Variants in BTAF1 observed in about 807,000 individuals in gnomAD.
BTAF1 encodes the protein TATA-binding protein-associated factor 172.
In BTAF1, 38 loss-of-function variants were observed where a neutral mutation model predicts 227.1. The ratio of observed to expected loss-of-function variants is 0.17; its 90% CI spans 0.13 to 0.22. The LOEUF (loss-of-function observed/expected upper bound fraction) is 0.22, where lower values mean the gene tolerates loss of function less well. Ranked by LOEUF, BTAF1 falls within the 10% of genes least tolerant of loss-of-function variation. The pLI is 1.00. For missense variants in BTAF1, 1,598 were observed against 2,204.0 expected, an observed-to-expected ratio of 0.73 and a Z score of 5.51; for synonymous variants, 742 against 751.9, an observed-to-expected ratio of 0.99 and a Z score of 0.21.
rs1260392297 is a variant in BTAF1 at position 91,991,257 on chromosome 10, T to C, written c.2855-862T>C. Among the ~76,000 whole-genome samples the C allele has an allele frequency of 9.3e-5, 8 of 85,666 alleles. No homozygotes were observed. The Admixed American group carries it at 1.0e-3, about 11-fold the overall frequency. The allele number at this position is 85,666 out of a possible 152,430, so 56.2% of individuals were successfully genotyped here. A position where few individuals can be genotyped will look rare whatever the true frequency, so the allele number is the denominator to read the frequency against. On this transcript the variant is annotated intron_variant, in intron 20 of 37. Transcript: ENST00000265990. ...CGAGACTCCGTCTCAAAAAAATATA[T>C]AAATATAAATATAAATATATATATA...
chr10:91,960,229 A>G, intron 11 of BTAF1, 75 bp downstream of exon 11: 1 of 1,443,540 alleles, frequency 6.9e-7, no homozygotes, highest in Non-Finnish European at 9.4e-7. Flanking sequence ...TAATTAGACG[A>G]AATGGCCGTA....
rs1024287493 is a variant in BTAF1, at chr10:92,029,430, T to C, written c.*497T>C. The C allele has an allele frequency of 2.0e-5, 3 of 152,294 alleles. No individual in the cohort carries two copies. Among genetic ancestry groups the C allele is most frequent in the African/African-American group, 7.2e-5 (3 of 41,384 alleles). 9.4% of individuals were successfully genotyped at this position (152,294 alleles called of 1,614,324 possible). A position where few individuals can be genotyped will look rare whatever the true frequency, so the allele number is the denominator to read the frequency against. ...ATTGGTCAGTCTTAGAACATGAAAATGTCAGACAATGAATTTAATCGGGCC... is the reference window on the plus strand; with the variant it reads ...ATTGGTCAGTCTTAGAACATGAAAACGTCAGACAATGAATTTAATCGGGCC... On this transcript the variant is annotated 3_prime_UTR_variant, in exon 38 of 38. Transcript: ENST00000265990.
In BTAF1 at chr10:91,984,361, G is replaced by T; in HGVS notation, c.2384G>T (p.Arg795Leu). 6.2e-7 allele frequency: 1 copy of T among 1,612,714 alleles called. No homozygotes were observed. The highest frequency in any genetic ancestry group is 8.5e-7 in the Non-Finnish European group (1 of 1,179,538). The change falls in exon 19 of 38, where the codon CGA becomes CTA. Residue 795 changes from arginine to leucine, a missense_variant. Arg to Leu is a moderately radical substitution (Grantham distance 102). Around this residue, in one of 10 missense-constraint regions of BTAF1, gnomAD observed 318 missense variants for 435.0 expected, o/e 0.73. Transcript: ENST00000265990. ...GATGTACATATTGAAGTTGGTAATC[G>T]AGTAAACAACAATGTTTTAACAATA... ...LADVHIEVGNRVNNNVLTIDQ... is the reference protein window; with the variant it reads ...LADVHIEVGNLVNNNVLTIDQ...
chr10:91,999,002 G>A (rs1849321129), intron 25 of BTAF1, among the ~76,000 whole-genome samples: 1 of 150,694 alleles, frequency 6.6e-6, no homozygotes, highest in African/African-American at 2.4e-5. Context: ...GACAGAGGTT[G>A]CAGTGAACCA....
At chr10:91,993,940 C>T in intron 22 of BTAF1, 93 bp downstream of exon 22, 1 of 976,446 alleles carries the variant, frequency 1.0e-6, no homozygotes, top group Non-Finnish European at 1.4e-6. Flanking sequence ...CTCTATGCCT[C>T]TACCTGTTTA....
intron 14 of BTAF1, among the ~76,000 whole-genome samples, chr10:91,977,026 A>G (rs1192546694): frequency 6.6e-6 from 1 of 152,214 alleles, no homozygotes; most frequent in Non-Finnish European, 1.5e-5. Context: ...CTGAAGGGTA[A>G]GTGGAATTTA....
At chr10:92,008,997 A>G (rs570498732) in intron 27 of BTAF1, 44 bp from the exon 28 acceptor site, 3 of 1,612,250 alleles carry the variant, frequency 1.9e-6, no homozygotes, top group South Asian at 2.2e-5. Flanking sequence ...ATTTGGAGAA[A>G]TGTAAACAAG....
chr10:91,985,931 T>C (rs1377689770), intron 19 of BTAF1, among the ~76,000 whole-genome samples: 1 of 152,196 alleles, frequency 6.6e-6, no homozygotes, highest in Non-Finnish European at 1.5e-5. Flanking sequence ...CTCTTAATGC[T>C]GTCTTTGGAT....
intron 1 of BTAF1, 77 bp downstream of exon 1, chr10:91,924,167 A>G: frequency 9.0e-6 from 14 of 1,558,984 alleles, no homozygotes; most frequent in Middle Eastern, 1.7e-4. Flanking sequence ...CCCCACTCCT[A>G]GAGAAGAGCG....
At chr10:91,998,143 A>T (rs1455041837) in intron 25 of BTAF1, among the ~76,000 whole-genome samples, 2 of 139,670 alleles carry the variant, frequency 1.4e-5, no homozygotes, top group African/African-American at 5.2e-5. Flanking sequence ...AAAAAAAAAA[A>T]GAAAAGAAAA....
At chr10:91,924,128 T>G in intron 1 of BTAF1, 38 bp downstream of exon 1, 1 of 1,604,596 alleles carries the variant, frequency 6.2e-7, no homozygotes, top group South Asian at 1.1e-5. Flanking sequence ...GGAAGGCGAT[T>G]CAGGGAAGGC....
intron 25 of BTAF1, among the ~76,000 whole-genome samples, chr10:92,001,947 A>C (rs1849560067): frequency 4.7e-4 from 1 of 2,120 alleles, no homozygotes. Flanking sequence ...ACCCTGTCTC[A>C]AAAAAAAAAA....
chr10:92,017,252 G>C (rs1049851031), intron 33 of BTAF1, among the ~76,000 whole-genome samples: 1 of 152,198 alleles, frequency 6.6e-6, no homozygotes, highest in African/African-American at 2.4e-5. Context: ...TGACATTTGA[G>C]CAAAGATCTG....
intron 7 of BTAF1, among the ~76,000 whole-genome samples, chr10:91,956,971 C>A (rs1846140161): frequency 6.6e-6 from 1 of 151,670 alleles, no homozygotes; most frequent in South Asian, 2.1e-4. Flanking sequence ...GCCTGGCCTA[C>A]AGGGCGAGTC....
At position 92,030,659 on chromosome 10, in the gene BTAF1, T is replaced by A. The variant is rs934824137; in HGVS notation, c.*1726T>A. Among the ~76,000 whole-genome samples, 3 of 147,624 alleles carry A rather than the reference T, an allele frequency of 2.0e-5. No homozygotes were observed. The highest frequency in any genetic ancestry group is 4.6e-5 in the Non-Finnish European group (3 of 65,560). ...GTCAGATAGAGCTAGAAGTCAGATATTTAGGCTGTTTAAACTTTCTGAGAG... is the reference window on the plus strand; with the variant it reads ...GTCAGATAGAGCTAGAAGTCAGATAATTAGGCTGTTTAAACTTTCTGAGAG... On this transcript the variant is annotated 3_prime_UTR_variant, in exon 38 of 38. Transcript: ENST00000265990.
At chr10:91,985,295 T>TTATA (rs36056013) in intron 19 of BTAF1, among the ~76,000 whole-genome samples, 84 of 149,194 alleles carry the variant, frequency 5.6e-4, no homozygotes, top group East Asian at 2.0e-3. Flanking sequence ...CTAATCTGTG[T>TTATA]TATATATATA....
chr10:91,941,704 A>G (rs907587148), intron 3 of BTAF1, among the ~76,000 whole-genome samples: 10 of 152,332 alleles, frequency 6.6e-5, no homozygotes, highest in African/African-American at 2.4e-4. Flanking sequence ...TTTGTCTTCT[A>G]ACTGAGCACT....
intron 4 of BTAF1, among the ~76,000 whole-genome samples, chr10:91,943,074 G>A (rs1309135530): frequency 6.6e-6 from 1 of 152,168 alleles, no homozygotes; most frequent in Non-Finnish European, 1.5e-5. Context: ...AGCACTTTGA[G>A]AGGCCAAGGT....
chr10:91,997,171 T>C, intron 24 of BTAF1: 3 of 1,284,592 alleles, frequency 2.3e-6, no homozygotes, highest in Non-Finnish European at 3.0e-6. Flanking sequence ...CTGCGCTTAC[T>C]AGGCTCACTA....
Sources: allele counts gnomAD v4.1 joint callset (sites outside exome capture counted in the v4.1 genomes callset), GRCh38; gene constraint gnomAD v4.1.1; regional missense constraint gnomAD v4.1.1; transcripts MANE v1.5; gene names NCBI Gene and HGNC (gene_info 2026-07-23, HGNC 2026-07-21).